The following ASIC2 variants were observed in gnomAD, a reference collection of about 807,000 sequenced individuals.
The protein encoded by ASIC2 is acid sensing ion channel subunit 2.
A neutral mutation model predicts 57.3 loss-of-function variants in ASIC2; 25 were observed. That is an observed-to-expected ratio of 0.44 (90% CI 0.32 to 0.61). The LOEUF is 0.61. Ranked by LOEUF, ASIC2 falls within the 20% of genes least tolerant of loss-of-function variation. The probability of loss-of-function intolerance (pLI) is 0.06; values close to 1 mark genes in which losing one functional copy is unlikely to be tolerated. For missense variants in ASIC2, 641 were observed against 738.1 expected (o/e 0.87, Z 1.52); for synonymous variants, 319 against 307.5 (o/e 1.04, Z -0.39).
At chr17:33,101,747 C>T (rs2092212833) in intron 2 of ASIC2, among the ~76,000 whole-genome samples, 1 of 152,138 alleles carries the variant, frequency 6.6e-6, no homozygotes, top group Non-Finnish European at 1.5e-5. Flanking sequence ...AATCAGTATC[C>T]AGCTTTTACA....
chr17:33,291,526 G>C lies in ASIC2; in HGVS notation c.590C>G (p.Pro197Arg). The stretch of plus-strand genomic sequence containing the variant: ...GGCGCTGATTCCCTCGAAGTGGCGC[G>C]GAGGCAGGAAGAGGCGGAAGTCCGC... ...KLADFRLFLP[P>R]RHFEGISAAF... Residue 197 changes from proline (P) to arginine (R), a missense_variant, in exon 1 of 10, where the codon CCG becomes CGG. Coordinates refer to ENST00000225823, the MANE Select transcript of ASIC2 (RefSeq NM_183377.2). 1 of 1,612,646 alleles carries C rather than the reference G, an allele frequency of 6.2e-7. No individual in the cohort carries two copies.
chr17:33,247,659 C>T (rs568151051), intron 1 of ASIC2, among the ~76,000 whole-genome samples: 18 of 152,140 alleles, frequency 1.2e-4, no homozygotes, highest in Non-Finnish European at 2.6e-4. Flanking sequence ...AGAGAACTGA[C>T]CCAGCAGAAG....
intron 1 of ASIC2, among the ~76,000 whole-genome samples, chr17:33,332,886 A>G (rs1907370893): frequency 6.6e-6 from 1 of 151,958 alleles, no homozygotes; most frequent in African/African-American, 2.4e-5. Flanking sequence ...GTGAAACTCC[A>G]TCTCAAAACA....
intron 1 of ASIC2, among the ~76,000 whole-genome samples, chr17:33,264,216 G>T (rs1192920041): frequency 6.6e-6 from 1 of 152,200 alleles, no homozygotes; most frequent in Non-Finnish European, 1.5e-5. Flanking sequence ...GTAGAGAAGC[G>T]CCCAGGATGG....
At chr17:34,015,547 G>T (rs1300069600) in intron 1 of ASIC2, among the ~76,000 whole-genome samples, 1 of 152,212 alleles carries the variant, frequency 6.6e-6, no homozygotes, top group African/African-American at 2.4e-5. Context: ...TCCTATCTCA[G>T]AGGCTGCTGC....
intron 1 of ASIC2, among the ~76,000 whole-genome samples, chr17:33,884,621 C>A (rs1914783472): frequency 6.6e-6 from 1 of 152,066 alleles, no homozygotes; most frequent in South Asian, 2.1e-4. Flanking sequence ...TCCTGCTCTG[C>A]CTTACACTAC....
At chr17:33,997,586 ATGT>A (rs1310506728) in intron 1 of ASIC2, among the ~76,000 whole-genome samples, 3 of 152,022 alleles carry the variant, frequency 2.0e-5, no homozygotes, top group African/African-American at 7.2e-5. Flanking sequence ...TCATGAAAGG[ATGT>A]TGAATTTTAT....
At chr17:33,597,855 T>A (rs1422581887) in intron 1 of ASIC2, among the ~76,000 whole-genome samples, 1 of 152,248 alleles carries the variant, frequency 6.6e-6, no homozygotes, top group Non-Finnish European at 1.5e-5. Flanking sequence ...TTGTTTTGGA[T>A]GCTGTTTGTA....
chr17:34,121,283 G>A (rs989699428), intron 1 of ASIC2, among the ~76,000 whole-genome samples: 5 of 151,722 alleles, frequency 3.3e-5, no homozygotes, highest in African/African-American at 1.2e-4. Flanking sequence ...GTTGTTTTAA[G>A]CCACCCAGTT....
At chr17:33,155,907 T>A (rs1246223770) in intron 1 of ASIC2, among the ~76,000 whole-genome samples, 1 of 152,126 alleles carries the variant, frequency 6.6e-6, no homozygotes, top group Non-Finnish European at 1.5e-5. Context: ...TTGTAAGCAC[T>A]TTTTACTTAA....
At chr17:33,192,940 T>C (rs893048060) in intron 1 of ASIC2, among the ~76,000 whole-genome samples, 2 of 152,166 alleles carry the variant, frequency 1.3e-5, no homozygotes, top group African/African-American at 2.4e-5. Context: ...GCCATACATA[T>C]TTTTACTTTT....
At chr17:33,395,971 G>A (rs1049642751) in intron 1 of ASIC2, among the ~76,000 whole-genome samples, 5 of 152,182 alleles carry the variant, frequency 3.3e-5, no homozygotes, top group Non-Finnish European at 5.9e-5. Context: ...CACAGTAGAT[G>A]TTTATAACAA....
chr17:33,712,551 AC>A (rs1909072835), intron 1 of ASIC2, among the ~76,000 whole-genome samples: 1 of 151,308 alleles, frequency 6.6e-6, no homozygotes, highest in Non-Finnish European at 1.5e-5. Context: ...CCATGTTGCA[AC>A]CAAGGTGATG....
chr17:33,478,482 G>C (rs1395045988), intron 1 of ASIC2, among the ~76,000 whole-genome samples: 2 of 152,062 alleles, frequency 1.3e-5, no homozygotes, highest in Non-Finnish European at 2.9e-5. Context: ...GAATGAACAT[G>C]CTATCTGAGA....
At chr17:34,116,887 T>G (rs1475446499) in intron 1 of ASIC2, among the ~76,000 whole-genome samples, 2 of 151,992 alleles carry the variant, frequency 1.3e-5, no homozygotes, top group East Asian at 1.9e-4. Context: ...TGTGTGTGTG[T>G]GGGTGGGTGG....
rs2092036391 is a variant in ASIC2, at chr17:33,064,822, C to T, written c.987+24041G>A. Among the ~76,000 whole-genome samples, 5 of 152,258 alleles carry T rather than the reference C, an allele frequency of 3.3e-5. No individual in the cohort carries two copies. The South Asian group carries it at 8.3e-4, about 25-fold the overall frequency. On this transcript the variant is annotated intron_variant, in intron 3 of 9. Transcript: ENST00000225823. Reference sequence around the variant, plus strand: ...GCCATCTTGGAACCCCCAATTCAAACTCAGTATGTCTTTTGGTGGTCCACA... The same window carrying T: ...GCCATCTTGGAACCCCCAATTCAAATTCAGTATGTCTTTTGGTGGTCCACA...
intron 1 of ASIC2, among the ~76,000 whole-genome samples, chr17:33,507,868 G>A (rs1315892192): frequency 6.6e-6 from 1 of 152,224 alleles, no homozygotes; most frequent in Non-Finnish European, 1.5e-5. Flanking sequence ...TCGTGCCACT[G>A]CACTCCAGCC....
intron 1 of ASIC2, among the ~76,000 whole-genome samples, chr17:33,832,629 C>T (rs767959772): frequency 6.6e-6 from 1 of 152,138 alleles, no homozygotes; most frequent in Non-Finnish European, 1.5e-5. Flanking sequence ...TTAGCAATAG[C>T]CAGACTTTAC....
chr17:33,529,060 G>A (rs1914971706), intron 1 of ASIC2, among the ~76,000 whole-genome samples: 1 of 152,236 alleles, frequency 6.6e-6, no homozygotes, highest in Non-Finnish European at 1.5e-5. Context: ...GAATAATAGA[G>A]AGTTTGGCCA....
Sources: gnomAD v4.1 joint callset for allele counts (sites outside exome capture counted in the v4.1 genomes callset) on GRCh38, gnomAD v4.1.1 for gene constraint, MANE v1.5 for transcripts, NCBI Gene and HGNC (gene_info 2026-07-23, HGNC 2026-07-21) for gene names.